The following ADORA2B variants were observed in gnomAD, a reference collection of about 807,000 sequenced individuals.
The protein encoded by ADORA2B is adenosine A2b receptor.
Under a neutral mutation model 20.8 loss-of-function variants are expected in ADORA2B, and 18 were observed. That is an observed-to-expected ratio of 0.87 (90% CI 0.60 to 1.29). ADORA2B has a LOEUF of 1.29. Among genes scored for constraint, ADORA2B ranks in the 50% most tolerant of loss-of-function variants. The pLI is 0.00. For missense variants in ADORA2B, 441 were observed against 422.7 expected, an observed-to-expected ratio of 1.04 and a Z score of -0.38; for synonymous variants, 179 against 178.3, an observed-to-expected ratio of 1.00 and a Z score of -0.03.
At chr17:15,957,387 A>T (rs1446162794) in intron 1 of ADORA2B, among the ~76,000 whole-genome samples, 1 of 152,154 alleles carries the variant, frequency 6.6e-6, no homozygotes, top group Non-Finnish European at 1.5e-5. Flanking sequence ...TGGAGCAGTA[A>T]TGAGTCAGCA....
the ADORA2B span, among the ~76,000 whole-genome samples, chr17:15,888,167 T>G: frequency 7.8e-6 from 1 of 128,094 alleles, no homozygotes; most frequent in Admixed American, 7.7e-5. Context: ...TTCACTCCTT[T>G]GCAGCAGATA....
chr17:15,953,248 G>A (rs1969928268), intron 1 of ADORA2B, among the ~76,000 whole-genome samples: 1 of 152,242 alleles, frequency 6.6e-6, no homozygotes, highest in Admixed American at 6.5e-5. Flanking sequence ...GGAGGGCCTT[G>A]AGCTTGCTGA....
the ADORA2B span, chr17:15,863,922 A>T: frequency 6.6e-6 from 1 of 152,236 alleles, no homozygotes; most frequent in African/African-American, 2.4e-5. Context: ...AATGTAACTA[A>T]TGTGGTTGTT....
At chr17:15,923,206 A>ATTTTTTTTTTTTTTTTTTTTTTTTT in the ADORA2B span, among the ~76,000 whole-genome samples, 1 of 113,528 alleles carries the variant, frequency 8.8e-6, no homozygotes, top group Non-Finnish European at 1.8e-5. Flanking sequence ...TCTTTTTTTA[A>ATTTTTTTTTTTTTTTTTTTTTTTTT]TTTTTTTTTT....
chr17:15,938,299 GTTTGTT>G, the ADORA2B span, among the ~76,000 whole-genome samples: 1 of 152,116 alleles, frequency 6.6e-6, no homozygotes, highest in Non-Finnish European at 1.5e-5. Flanking sequence ...TGTTCTTTTT[GTTTGTT>G]TTTGTTTTTG....
At chr17:15,920,308 A>G in the ADORA2B span, among the ~76,000 whole-genome samples, 11 of 152,196 alleles carry the variant, frequency 7.2e-5, no homozygotes, top group African/African-American at 2.2e-4. Context: ...AAAAGCCCAG[A>G]CTTCACCACT....
the ADORA2B span, among the ~76,000 whole-genome samples, chr17:15,930,437 A>G: frequency 6.6e-6 from 1 of 151,942 alleles, no homozygotes; most frequent in Admixed American, 6.6e-5. Flanking sequence ...CTGGGACAAC[A>G]GGTGTGCACC....
intron 1 of ADORA2B, among the ~76,000 whole-genome samples, chr17:15,964,190 T>A (rs1970072191): frequency 6.6e-6 from 1 of 152,262 alleles, no homozygotes; most frequent in Non-Finnish European, 1.5e-5. Flanking sequence ...AAGTAAAATC[T>A]AATAGTATCT....
intron 1 of ADORA2B, among the ~76,000 whole-genome samples, chr17:15,969,607 G>A (rs927383093): frequency 2.0e-5 from 3 of 152,146 alleles, no homozygotes; most frequent in African/African-American, 7.2e-5. Flanking sequence ...AATGCGTAGG[G>A]GGAAACCCTA....
chr17:15,889,055 C>T, the ADORA2B span, among the ~76,000 whole-genome samples: 18 of 119,016 alleles, frequency 1.5e-4, 2 homozygotes, highest in South Asian at 2.5e-4. Flanking sequence ...TAGAGACAAG[C>T]TTTCACCATG....
the ADORA2B span, among the ~76,000 whole-genome samples, chr17:15,919,730 TGGGAA>T: frequency 5.3e-5 from 8 of 149,666 alleles, no homozygotes; most frequent in Admixed American, 2.0e-4. Flanking sequence ...GCCCAGTGGG[TGGGAA>T]GGGAAGGGAA....
At chr17:15,887,951 C>CAAAAAAAAAAAA in the ADORA2B span, among the ~76,000 whole-genome samples, 2 of 22,230 alleles carry the variant, frequency 9.0e-5, no homozygotes, top group African/African-American at 2.1e-4. Flanking sequence ...AAGACTCCAT[C>CAAAAAAAAAAAA]AAAAAAAAAA....
the ADORA2B span, among the ~76,000 whole-genome samples, chr17:15,859,436 A>G: frequency 1.3e-5 from 2 of 149,610 alleles, no homozygotes; most frequent in African/African-American, 5.0e-5. Context: ...CCCACTCCCA[A>G]CTTTAGTACC....
intron 1 of ADORA2B, among the ~76,000 whole-genome samples, chr17:15,950,567 G>A (rs1456880383): frequency 1.3e-5 from 2 of 152,160 alleles, no homozygotes; most frequent in South Asian, 2.1e-4. Flanking sequence ...CCCGGACCTC[G>A]TTGAACATGT....
At chr17:15,894,834 C>CTTTGGA in the ADORA2B span, among the ~76,000 whole-genome samples, 1 of 152,078 alleles carries the variant, frequency 6.6e-6, no homozygotes, top group East Asian at 1.9e-4. Context: ...AAAGAATGGT[C>CTTTGGA]ATGGTAATGA....
chr17:15,961,176 A>G (rs1046448803), intron 1 of ADORA2B, among the ~76,000 whole-genome samples: 75 of 152,056 alleles, frequency 4.9e-4, no homozygotes, highest in Non-Finnish European at 6.9e-4. Flanking sequence ...AAAAAAAAAA[A>G]AGGCAAAAGC....
the ADORA2B span, among the ~76,000 whole-genome samples, chr17:15,916,527 G>T: frequency 1.3e-5 from 2 of 151,692 alleles, no homozygotes; most frequent in African/African-American, 2.4e-5. Context: ...AGCAAGGAGG[G>T]GGGGTACATG....
chr17:15,915,773 T>A, the ADORA2B span, among the ~76,000 whole-genome samples: 1 of 151,910 alleles, frequency 6.6e-6, no homozygotes, highest in Non-Finnish European at 1.5e-5. Context: ...TTGGTTATAT[T>A]TAAGCCCTCA....
chr17:15,900,573 A>G, the ADORA2B span, among the ~76,000 whole-genome samples: 1 of 152,026 alleles, frequency 6.6e-6, no homozygotes, highest in Non-Finnish European at 1.5e-5. Flanking sequence ...CAGCCTCCCA[A>G]GTAGCTAGGA....
Sources: allele counts gnomAD v4.1 joint callset (sites outside exome capture counted in the v4.1 genomes callset), GRCh38; gene constraint gnomAD v4.1.1; transcripts MANE v1.5; gene names NCBI Gene and HGNC (gene_info 2026-07-23, HGNC 2026-07-21).